FRMPD4: variants seen among roughly 807,000 people sequenced by gnomAD.
FRMPD4 encodes FERM and PDZ domain containing 4, also known as FERM and PDZ domain-containing protein 4.
FRMPD4 carries 22 observed loss-of-function variants against 94.1 expected under a neutral mutation model. That is an observed-to-expected ratio of 0.23 (90% CI 0.17 to 0.33). The LOEUF is 0.33. FRMPD4 is among the 10% of genes least tolerant of loss of function. The probability of loss-of-function intolerance (pLI) is 1.00; values close to 1 mark genes in which losing one functional copy is unlikely to be tolerated. For synonymous variants in FRMPD4, 631 were observed against 548.6 expected (o/e 1.15, Z -2.10); for missense variants, 1,111 against 1,339.9 (o/e 0.83, Z 2.67).
At chrX:12,223,846 ATCT>A (rs2056895186) in intron 1 of FRMPD4, among the ~76,000 whole-genome samples, 1 of 112,297 alleles carries the variant, frequency 8.9e-6, no homozygotes, top group South Asian at 3.7e-4. Context: ...CCATTCAGGT[ATCT>A]TCTTTGGTTA....
At chrX:11,865,138 G>C (rs914147992) in exon 2 of FRMPD4, among the ~76,000 whole-genome samples, 5 of 111,880 alleles carry the variant, frequency 4.5e-5, no homozygotes, top group African/African-American at 1.6e-4. Flanking sequence ...TGACCTGAAT[G>C]TATCCCATAG....
intron 1 of FRMPD4, among the ~76,000 whole-genome samples, chrX:12,161,031 T>A (rs1345739233): frequency 8.9e-6 from 1 of 111,764 alleles, no homozygotes; most frequent in African/African-American, 3.3e-5. Flanking sequence ...TTTCAGAACG[T>A]ATAATATTAC....
At chrX:12,257,589 T>C (rs146755572) in intron 1 of FRMPD4, among the ~76,000 whole-genome samples, 1,205 of 111,567 alleles carry the variant, frequency 0.011, 11 homozygotes, top group African/African-American at 0.036. Context: ...AAGAAACTCC[T>C]GTAATCTGGT....
At chrX:12,130,831 G>A (rs189359781) in intron 3 of FRMPD4, among the ~76,000 whole-genome samples, 27 of 111,590 alleles carry the variant, frequency 2.4e-4, no homozygotes, top group East Asian at 2.8e-4. Flanking sequence ...AAAGTGATTC[G>A]GGATCTGAGA....
chrX:12,349,437 C>T (rs1174110935), intron 1 of FRMPD4, among the ~76,000 whole-genome samples: 1 of 110,245 alleles, frequency 9.1e-6, no homozygotes, highest in Non-Finnish European at 1.9e-5. Flanking sequence ...CCATAGGATA[C>T]TAAGCCTAGT....
At chrX:12,521,806 G>T (rs758602130) in intron 2 of FRMPD4, among the ~76,000 whole-genome samples, 16 of 111,058 alleles carry the variant, frequency 1.4e-4, no homozygotes, top group African/African-American at 5.2e-4. Flanking sequence ...GAGAGAGAGA[G>T]ATAGGAGGTA....
chrX:12,111,686 C>A (rs1301970016), intron 3 of FRMPD4, among the ~76,000 whole-genome samples: 1 of 111,852 alleles, frequency 8.9e-6, no homozygotes, highest in African/African-American at 3.3e-5. Context: ...CAAAGGGCTG[C>A]TATCCAGAAT....
intron 3 of FRMPD4, among the ~76,000 whole-genome samples, chrX:11,943,106 A>T (rs765461363): frequency 4.5e-5 from 5 of 111,964 alleles, no homozygotes; most frequent in Non-Finnish European, 9.4e-5. Context: ...AAGGACAAAC[A>T]GGCACATCTT....
chrX:12,630,384 A>C (rs2059384488), intron 4 of FRMPD4, among the ~76,000 whole-genome samples: 1 of 112,417 alleles, frequency 8.9e-6, no homozygotes, highest in African/African-American at 3.2e-5. Flanking sequence ...TATTTACAGA[A>C]ATGGGGATGG....
chrX:12,375,372 T>C (rs2056222152), intron 1 of FRMPD4, among the ~76,000 whole-genome samples: 1 of 112,515 alleles, frequency 8.9e-6, no homozygotes, highest in Non-Finnish European at 1.9e-5. Flanking sequence ...CAAGCCAGGC[T>C]TGTGGGTCAC....
chrX:12,258,965 C>T (rs1644162137), intron 1 of FRMPD4, among the ~76,000 whole-genome samples: 1 of 111,889 alleles, frequency 8.9e-6, no homozygotes, highest in African/African-American at 3.2e-5. Context: ...TCATTTCTCC[C>T]TCTTTCCTAT....
At chrX:12,539,157 C>G (rs746289595) in intron 2 of FRMPD4, among the ~76,000 whole-genome samples, 4 of 111,943 alleles carry the variant, frequency 3.6e-5, no homozygotes, top group African/African-American at 1.3e-4. Flanking sequence ...CTTCAGTAGC[C>G]GATTCGATCA....
intron 13 of FRMPD4, 72 bp downstream of exon 13, chrX:12,707,723 C>T: frequency 3.5e-6 from 3 of 846,357 alleles, no homozygotes; most frequent in Non-Finnish European, 5.1e-6. Flanking sequence ...CAGATGTTTA[C>T]AAGGCAGGCA....
At chrX:12,059,102 T>C (rs2054870920) in intron 3 of FRMPD4, among the ~76,000 whole-genome samples, 1 of 111,944 alleles carries the variant, frequency 8.9e-6, no homozygotes, top group East Asian at 2.8e-4. Context: ...CCTGACTTAG[T>C]GTACAGACAC....
At chrX:12,501,275 T>C (rs1052622189) in intron 2 of FRMPD4, among the ~76,000 whole-genome samples, 6 of 112,582 alleles carry the variant, frequency 5.3e-5, no homozygotes, top group Non-Finnish European at 1.1e-4. Flanking sequence ...AAGTCACCAG[T>C]GTTATTTTTC....
At chrX:12,668,177 T>G (rs181991184) in intron 4 of FRMPD4, among the ~76,000 whole-genome samples, 130 of 106,718 alleles carry the variant, frequency 1.2e-3, no homozygotes, top group Middle Eastern at 4.8e-3. Context: ...TTTTAAATGG[T>G]GTAGATCATT....
At position 12,046,696 on chromosome X, in the gene FRMPD4, G is replaced by A. The variant is rs373957924; in HGVS notation, c.95+168678G>A. 2.7e-5 allele frequency among the ~76,000 whole-genome samples: 3 copies of A among 112,236 alleles called. No homozygotes were observed. The East Asian group carries it at 8.4e-4, about 32-fold the overall frequency. ...AGACATGTGAAGGGTGAGGGATGGG[G>A]GAAGGGGCATGGGAATGTCCACACC... On this transcript the variant is annotated intron_variant, in intron 3 of 18. Transcript: ENST00000640291.
chrX:11,895,062 A>T (rs976193995), intron 3 of FRMPD4, among the ~76,000 whole-genome samples: 2 of 112,122 alleles, frequency 1.8e-5, no homozygotes, highest in African/African-American at 6.5e-5. Context: ...AAGGACCAGA[A>T]AATATCCCAG....
At chrX:12,196,979 T>A (rs1256690462) in intron 1 of FRMPD4, among the ~76,000 whole-genome samples, 1 of 111,934 alleles carries the variant, frequency 8.9e-6, no homozygotes, top group African/African-American at 3.2e-5. Context: ...TAGGAAATAC[T>A]ATTATTAAGC....
Sources: gnomAD v4.1 joint callset for allele counts (sites outside exome capture counted in the v4.1 genomes callset) on GRCh38, gnomAD v4.1.1 for gene constraint, MANE v1.5 for transcripts, NCBI Gene and HGNC (gene_info 2026-07-23, HGNC 2026-07-21) for gene names.